Variants in DACH2 observed in about 807,000 individuals in gnomAD.
The protein encoded by DACH2 is dachshund homolog 2.
Under a neutral mutation model 35.8 loss-of-function variants are expected in DACH2, and 17 were observed. The ratio of observed to expected loss-of-function variants is 0.48; its 90% CI spans 0.33 to 0.71. The LOEUF is 0.71. Among genes scored for constraint, DACH2 ranks in the 30% least tolerant of loss-of-function variants. The pLI is 0.02. For synonymous variants in DACH2, 195 were observed against 177.3 expected, an observed-to-expected ratio of 1.10 and a Z score of -0.79; for missense variants, 469 against 472.7, an observed-to-expected ratio of 0.99 and a Z score of 0.07.
chrX:86,162,473 T>G (rs2030798037), intron 1 of DACH2, among the ~76,000 whole-genome samples: 1 of 111,503 alleles, frequency 9.0e-6, no homozygotes, highest in African/African-American at 3.3e-5. Context: ...AGTGTACTGA[T>G]AGAGGCATAT....
At chrX:86,637,479 T>C (rs1021306540) in intron 3 of DACH2, among the ~76,000 whole-genome samples, 1 of 110,736 alleles carries the variant, frequency 9.0e-6, no homozygotes, top group Non-Finnish European at 1.9e-5. Flanking sequence ...CAACCTAAAT[T>C]CCCACCATTG....
At chrX:86,263,401 A>G (rs2033660974) in intron 1 of DACH2, among the ~76,000 whole-genome samples, 1 of 111,737 alleles carries the variant, frequency 8.9e-6, no homozygotes, top group South Asian at 3.7e-4. Flanking sequence ...TAAATGCACC[A>G]TATGTGTGAG....
chrX:86,770,506 C>A lies in DACH2; in HGVS notation c.1240+30624C>A, dbSNP rs1354171524. On this transcript the variant is annotated intron_variant, in intron 7 of 11. Coordinates refer to ENST00000373125, the MANE Select transcript of DACH2 (RefSeq NM_053281.3). Reference sequence around the variant, plus strand: ...AATACTGCCTTTCCTCCTTGCCCAACTGTCACCTCCAAATTTTACATAAAA... The same window carrying A: ...AATACTGCCTTTCCTCCTTGCCCAAATGTCACCTCCAAATTTTACATAAAA... Among the ~76,000 whole-genome samples the A allele has an allele frequency of 2.7e-5, 3 of 111,612 alleles. No homozygotes were observed. In the Admixed American group the frequency reaches 2.9e-4, roughly 11 times the overall value.
intron 3 of DACH2, among the ~76,000 whole-genome samples, chrX:86,545,412 G>C (rs2038943765): frequency 1.8e-5 from 2 of 110,909 alleles, no homozygotes; most frequent in African/African-American, 6.6e-5. Context: ...AGGGTGGAGG[G>C]TGAAGATAAA....
At chrX:86,667,499 GAGAAAGAAAGAAAGAAAGAAAGAA>G (rs199901080) in intron 4 of DACH2, among the ~76,000 whole-genome samples, 29 of 42,235 alleles carry the variant, frequency 6.9e-4, no homozygotes, top group East Asian at 3.6e-3. Context: ...AAGAAAGAAA[GAGAAAGAAAGAAAGAAAGAAAGAA>G]AGAAAGAAAG....
At chrX:86,161,606 A>G (rs1200107735) in intron 1 of DACH2, among the ~76,000 whole-genome samples, 1 of 112,379 alleles carries the variant, frequency 8.9e-6, no homozygotes, top group Non-Finnish European at 1.9e-5. Context: ...ATTGATTTTC[A>G]GCTTGCAATT....
intron 2 of DACH2, among the ~76,000 whole-genome samples, chrX:86,435,371 C>T (rs913833200): frequency 9.0e-6 from 1 of 111,678 alleles, no homozygotes; most frequent in East Asian, 2.8e-4. Flanking sequence ...TAATGATCAG[C>T]CGCTTATATT....
chrX:86,184,927 A>C (rs973939080), intron 1 of DACH2, among the ~76,000 whole-genome samples: 2 of 111,718 alleles, frequency 1.8e-5, no homozygotes, highest in Non-Finnish European at 3.8e-5. Flanking sequence ...AGAATAAAGG[A>C]TACATAAAAC....
chrX:86,761,364 G>A (rs772921355), intron 7 of DACH2, among the ~76,000 whole-genome samples: 29 of 111,860 alleles, frequency 2.6e-4, no homozygotes, highest in African/African-American at 9.1e-4. Context: ...CCCCTACAAA[G>A]GACATGAACT....
At position 86,296,463 on chromosome X, in the gene DACH2, A is replaced by G. The variant is rs780587790; in HGVS notation, c.489-80361A>G. ...ATTTGATATAATTTGTGACAAATAC[A>G]TCACCTCAACTATATAAGTCAACTT... On this transcript the variant is annotated intron_variant, in intron 1 of 11. Transcript: ENST00000373125. 3.6e-5 allele frequency among the ~76,000 whole-genome samples: 4 copies of G among 110,502 alleles called. No individual in the cohort carries two copies. In the South Asian group the frequency reaches 1.5e-3, roughly 42 times the overall value.
In DACH2 at chrX:86,359,084, C is replaced by CGTGTGT. The variant is rs1556037574; in HGVS notation, c.489-17715_489-17710dup. On this transcript the variant is annotated intron_variant, in intron 1 of 11. Transcript: ENST00000373125. The stretch of plus-strand genomic sequence containing the variant: ...GAGAAATAGAACCATTATATTTTGT[C>CGTGTGT]GTGTGTGTGTGTGTGTGTGTGTGTG... Among the ~76,000 whole-genome samples, 802 of 98,508 alleles carry CGTGTGT rather than the reference C, an allele frequency of 8.1e-3. 9 individuals carry two copies. Among genetic ancestry groups the CGTGTGT allele is most frequent in the African/African-American group, 0.026 (707 of 27,225 alleles). 85.5% of individuals were successfully genotyped at this position (98,508 alleles called of 115,157 possible).
intron 2 of DACH2, among the ~76,000 whole-genome samples, chrX:86,495,863 AACCT>A (rs1204112686): frequency 9.0e-6 from 1 of 111,123 alleles, no homozygotes; most frequent in Non-Finnish European, 1.9e-5. Context: ...CAAGCTATTT[AACCT>A]ACCTTTGATT....
chrX:86,822,268 G>T lies in DACH2; in HGVS notation c.1750+6169G>T, dbSNP rs147369000. Among the ~76,000 whole-genome samples the T allele has an allele frequency of 7.2e-3, 800 of 111,567 alleles. 7 individuals carry two copies. The highest frequency in any genetic ancestry group is 0.025 in the African/African-American group (765 of 30,736). ...CCTTAAAAATTAAAATTATGGTATT[G>T]CTACCACACGAATCTGTGGAGGTTC... On this transcript the variant is annotated intron_variant, in intron 11 of 11. Coordinates refer to ENST00000373125, the MANE Select transcript of DACH2 (RefSeq NM_053281.3).
At chrX:86,289,727 C>A (rs759827405) in intron 1 of DACH2, among the ~76,000 whole-genome samples, 2 of 108,791 alleles carry the variant, frequency 1.8e-5, no homozygotes, top group Non-Finnish European at 3.8e-5. Context: ...CAATTTCCTC[C>A]ATGTCCCTAC....
At position 86,526,963 on chromosome X, in the gene DACH2, C is replaced by T. The variant is rs142189050; in HGVS notation, c.640+12572C>T. Among the ~76,000 whole-genome samples the T allele has an allele frequency of 9.5e-3, 1,047 of 110,070 alleles. 18 individuals are homozygous for T. The highest frequency in any genetic ancestry group is 0.033 in the African/African-American group (1,003 of 30,394). ...TAGTAATATAGAAAACCCTTTCTCC[C>T]TTAAACCTTATTTGACAATATATGA... On this transcript the variant is annotated intron_variant, in intron 3 of 11. Transcript: ENST00000373125.
chrX:86,456,931 A>G (rs772472063), intron 2 of DACH2, among the ~76,000 whole-genome samples: 11 of 111,062 alleles, frequency 9.9e-5, no homozygotes, highest in African/African-American at 3.3e-4. Context: ...TCTTACTTGC[A>G]TTGTTTCTTA....
intron 1 of DACH2, among the ~76,000 whole-genome samples, chrX:86,263,549 A>G (rs1025992283): frequency 3.6e-5 from 4 of 111,830 alleles, no homozygotes; most frequent in Non-Finnish European, 5.6e-5. Flanking sequence ...TAAATTGAAT[A>G]TTAAGGTTTT....
At chrX:86,210,230 T>C (rs949358790) in intron 1 of DACH2, among the ~76,000 whole-genome samples, 3 of 111,763 alleles carry the variant, frequency 2.7e-5, no homozygotes, top group Non-Finnish European at 5.7e-5. Context: ...TTCACAGTAT[T>C]GGTTCATTTG....
chrX:86,311,364 AT>A (rs1410018829), intron 1 of DACH2, among the ~76,000 whole-genome samples: 1 of 112,008 alleles, frequency 8.9e-6, no homozygotes, highest in Non-Finnish European at 1.9e-5. Context: ...TGGTCTTACC[AT>A]GTTCCCCATC....
Sources: allele counts gnomAD v4.1 joint callset (sites outside exome capture counted in the v4.1 genomes callset), GRCh38; gene constraint gnomAD v4.1.1; transcripts MANE v1.5; gene names NCBI Gene and HGNC (gene_info 2026-07-23, HGNC 2026-07-21).